Variants in ZDHHC7 observed in about 807,000 individuals in gnomAD.
The protein encoded by ZDHHC7 is zDHHC palmitoyltransferase 7.
ZDHHC7 carries 12 observed loss-of-function variants against 34.1 expected under a neutral mutation model. The ratio of observed to expected loss-of-function variants is 0.35; its 90% CI spans 0.23 to 0.57. The LOEUF (loss-of-function observed/expected upper bound fraction) is 0.57, where lower values mean the gene tolerates loss of function less well. Ranked by LOEUF, ZDHHC7 falls within the 20% of genes least tolerant of loss-of-function variation. ZDHHC7 has a pLI of 0.84. For missense variants in ZDHHC7, 388 were observed against 402.7 expected (o/e 0.96, Z 0.31); for synonymous variants, 185 against 155.4 (o/e 1.19, Z -1.42).
At chr16:84,981,398 G>T (rs769113232) in intron 4 of ZDHHC7, among the ~76,000 whole-genome samples, 4 of 152,190 alleles carry the variant, frequency 2.6e-5, no homozygotes, top group Non-Finnish European at 5.9e-5. Context: ...CTTCTACGCT[G>T]CACCACCACC....
intron 3 of ZDHHC7, among the ~76,000 whole-genome samples, chr16:84,984,903 C>A (rs983660053): frequency 6.6e-6 from 1 of 152,160 alleles, no homozygotes; most frequent in Non-Finnish European, 1.5e-5. Flanking sequence ...CTCAAAGGGC[C>A]TCGCCAGGAT....
At chr16:84,992,666 G>A (rs1444821874) in intron 2 of ZDHHC7, among the ~76,000 whole-genome samples, 1 of 152,104 alleles carries the variant, frequency 6.6e-6, no homozygotes, top group South Asian at 2.1e-4. Context: ...TTAACGAACT[G>A]ACCCGGGCAC....
intron 1 of ZDHHC7, among the ~76,000 whole-genome samples, chr16:85,009,577 C>G (rs1390914435): frequency 6.6e-6 from 1 of 152,168 alleles, no homozygotes; most frequent in Non-Finnish European, 1.5e-5. Flanking sequence ...ACTCTCAAAT[C>G]AGAAGCCAAT....
At position 84,974,608 on chromosome 16, in the gene ZDHHC7, T is replaced by C. The variant is rs1305623781; in HGVS notation, c.*1735A>G. 6.6e-6 allele frequency: 1 copy of C among 152,662 alleles called. No individual in the cohort carries two copies. Among genetic ancestry groups the C allele is most frequent in the Non-Finnish European group, 1.5e-5 (1 of 68,046 alleles). The allele number at this position is 152,662 out of a possible 1,614,324, so 9.5% of individuals were successfully genotyped here. A position where few individuals can be genotyped will look rare whatever the true frequency, so the allele number is the denominator to read the frequency against. On this transcript the variant is annotated 3_prime_UTR_variant, in exon 8 of 8. Coordinates refer to ENST00000313732, the MANE Select transcript of ZDHHC7 (RefSeq NM_017740.3). ...TAATTGTTTTATTGATAACAGGATA[T>C]ACATATTAAAAGCCTCACACTGAAG...
chr16:84,994,220 GC>G (rs1188661480), intron 2 of ZDHHC7, among the ~76,000 whole-genome samples: 1 of 152,228 alleles, frequency 6.6e-6, no homozygotes, highest in Non-Finnish European at 1.5e-5. Context: ...CTGGCGCACA[GC>G]AAGGGCATGT....
intron 7 of ZDHHC7, 48 bp downstream of exon 7, chr16:84,977,047 C>A (rs772043158): frequency 6.2e-7 from 1 of 1,605,950 alleles, no homozygotes; most frequent in Non-Finnish European, 8.5e-7. Context: ...TTCATTTACT[C>A]AAGCTTGGAC....
intron 1 of ZDHHC7, among the ~76,000 whole-genome samples, chr16:85,006,321 T>C (rs901770253): frequency 6.6e-6 from 1 of 152,172 alleles, no homozygotes; most frequent in Non-Finnish European, 1.5e-5. Flanking sequence ...ACTGCATCAC[T>C]GTACTCCAGC....
chr16:84,979,336 A>C, intron 4 of ZDHHC7, 51 bp from the exon 5 acceptor site: 1 of 1,577,664 alleles, frequency 6.3e-7, no homozygotes, highest in Non-Finnish European at 8.6e-7. Flanking sequence ...AGGAAACCAG[A>C]GTAACACAAC....
chr16:84,977,951 T>C lies in ZDHHC7; in HGVS notation c.592A>G (p.Ile198Val). The C allele has an allele frequency of 4.3e-6, 7 of 1,614,050 alleles. No homozygotes were observed. Among genetic ancestry groups the C allele is most frequent in the South Asian group, 1.1e-5 (1 of 91,078 alleles). The change falls in exon 6 of 8, where the codon ATC (isoleucine) becomes GTC (valine). Residue 198 changes from isoleucine (I) to valine (V), a missense_variant. By Grantham distance (29) the Ile-to-Val change is conservative. Coordinates refer to ENST00000313732, the MANE Select transcript of ZDHHC7 (RefSeq NM_017740.3). ...GTCCACTGCCCTCGGACACAGGAGA[T>C]GAACTGAAATCCACAAAGGATCAGA... ...HALILCGFQFISCVRGQWTEC... is the reference protein window; with the variant it reads ...HALILCGFQFVSCVRGQWTEC...
chr16:84,986,705 C>T (rs909910659), intron 3 of ZDHHC7, among the ~76,000 whole-genome samples: 1 of 152,296 alleles, frequency 6.6e-6, no homozygotes, highest in Non-Finnish European at 1.5e-5. Flanking sequence ...AATGACTTTC[C>T]TCAAGTGACA....
At chr16:84,997,232 A>C (rs1272698985) in intron 1 of ZDHHC7, among the ~76,000 whole-genome samples, 1 of 151,348 alleles carries the variant, frequency 6.6e-6, no homozygotes, top group Non-Finnish European at 1.5e-5. Flanking sequence ...TTATTCTACA[A>C]CGAAAATACA....
chr16:85,002,693 T>C (rs147667635), intron 1 of ZDHHC7, among the ~76,000 whole-genome samples: 1 of 151,916 alleles, frequency 6.6e-6, no homozygotes, highest in Admixed American at 6.6e-5. Flanking sequence ...GAATCAAGTG[T>C]GAATTTTATC....
chr16:85,011,877 G>C (rs1402515326), upstream of ZDHHC7, among the ~76,000 whole-genome samples: 2 of 152,190 alleles, frequency 1.3e-5, no homozygotes, highest in African/African-American at 4.8e-5. Flanking sequence ...GCGGGGATGT[G>C]ACCGAAGGAA....
intron 1 of ZDHHC7, among the ~76,000 whole-genome samples, chr16:85,004,227 T>C (rs2072689049): frequency 6.6e-6 from 1 of 151,722 alleles, no homozygotes; most frequent in African/African-American, 2.4e-5. Context: ...TGTATCTCAT[T>C]CCCCACCTCT....
chr16:84,976,700 G>A (rs947036507), intron 7 of ZDHHC7, among the ~76,000 whole-genome samples, 181 bp from the exon 8 acceptor site: 1 of 152,224 alleles, frequency 6.6e-6, no homozygotes, highest in Non-Finnish European at 1.5e-5. Context: ...CAGCCCGGCT[G>A]CAGCCACGTG....
At chr16:85,009,930 G>A (rs2072768520) in intron 1 of ZDHHC7, among the ~76,000 whole-genome samples, 1 of 151,792 alleles carries the variant, frequency 6.6e-6, no homozygotes, top group African/African-American at 2.4e-5. Context: ...GGATGGTCTC[G>A]ATCTCCCGAC....
upstream of ZDHHC7, among the ~76,000 whole-genome samples, chr16:85,015,100 G>T (rs1339576871): frequency 7.8e-5 from 11 of 141,252 alleles, no homozygotes; most frequent in African/African-American, 2.6e-4. Flanking sequence ...GAGTTTTGTT[G>T]TTTTTTTTTT....
chr16:84,994,564 A>G (rs559982265), intron 2 of ZDHHC7, among the ~76,000 whole-genome samples: 1 of 152,346 alleles, frequency 6.6e-6, no homozygotes, highest in South Asian at 2.1e-4. Flanking sequence ...CACCTGAGCC[A>G]GCTCAGCTCC....
chr16:84,977,029 T>G (rs1217955277), intron 7 of ZDHHC7, 66 bp downstream of exon 7: 2 of 1,596,664 alleles, frequency 1.3e-6, no homozygotes, highest in African/African-American at 2.7e-5. Flanking sequence ...TTGTTGACAT[T>G]AGGACTTTTC....
Sources: gnomAD v4.1 joint callset for allele counts (sites outside exome capture counted in the v4.1 genomes callset) on GRCh38, gnomAD v4.1.1 for gene constraint, MANE v1.5 for transcripts, NCBI Gene and HGNC (gene_info 2026-07-23, HGNC 2026-07-21) for gene names.